Variants in ATRNL1 observed in about 807,000 individuals in gnomAD.
ATRNL1 encodes attractin like 1.
A neutral mutation model predicts 182.7 loss-of-function variants in ATRNL1; 95 were observed. That is an observed-to-expected ratio of 0.52 (90% CI 0.44 to 0.62). The LOEUF (loss-of-function observed/expected upper bound fraction) is 0.62, where lower values mean the gene tolerates loss of function less well. ATRNL1 is among the 20% of genes least tolerant of loss of function. ATRNL1 has a pLI of 0.00. For missense variants in ATRNL1, 1,471 were observed against 1,679.5 expected, an observed-to-expected ratio of 0.88 and a Z score of 2.17; for synonymous variants, 576 against 568.3, an observed-to-expected ratio of 1.01 and a Z score of -0.19.
chr10:115,734,889 C>T (rs1363246261), intron 27 of ATRNL1, among the ~76,000 whole-genome samples: 2 of 152,168 alleles, frequency 1.3e-5, no homozygotes, highest in South Asian at 4.1e-4. Flanking sequence ...TTACTCTTAA[C>T]ATTTTAACAG....
intron 26 of ATRNL1, among the ~76,000 whole-genome samples, chr10:115,652,888 T>C (rs1860102334): frequency 6.6e-6 from 1 of 152,148 alleles, no homozygotes; most frequent in South Asian, 2.1e-4. Context: ...ATAATGCATG[T>C]AGATTTTCCT....
chr10:115,107,596 G>A (rs1006774161), intron 1 of ATRNL1, among the ~76,000 whole-genome samples: 7 of 152,130 alleles, frequency 4.6e-5, no homozygotes, highest in African/African-American at 1.7e-4. Context: ...TAGTTCTGAG[G>A]TCTCAGAGGC....
chr10:115,918,354 T>C (rs530004495), intron 28 of ATRNL1, among the ~76,000 whole-genome samples: 1 of 152,100 alleles, frequency 6.6e-6, no homozygotes, highest in South Asian at 2.1e-4. Flanking sequence ...CCGCCCACCT[T>C]GGCCTCGCAA....
chr10:115,437,687 T>C (rs1846467590), intron 21 of ATRNL1, among the ~76,000 whole-genome samples: 1 of 152,066 alleles, frequency 6.6e-6, no homozygotes, highest in Admixed American at 6.6e-5. Flanking sequence ...TATAAGATCA[T>C]AAACATATGT....
chr10:115,728,128 G>GA (rs3087144), intron 27 of ATRNL1, among the ~76,000 whole-genome samples: 41,439 of 112,492 alleles, frequency 0.37, 7,780 homozygotes, highest in East Asian at 0.5. Context: ...AAAAAAAAAA[G>GA]AAAAAAAAAA....
chr10:115,261,405 G>A (rs967698211), intron 10 of ATRNL1, among the ~76,000 whole-genome samples: 53 of 152,066 alleles, frequency 3.5e-4, no homozygotes, highest in Non-Finnish European at 6.2e-4. Context: ...TATATAACAG[G>A]GGAGAAATAT....
chr10:115,191,373 C>CATT (rs1848163377), intron 8 of ATRNL1, among the ~76,000 whole-genome samples: 1 of 151,874 alleles, frequency 6.6e-6, no homozygotes, highest in Non-Finnish European at 1.5e-5. Context: ...TCCTCATCAG[C>CATT]ATTATTGCCT....
intron 1 of ATRNL1, among the ~76,000 whole-genome samples, chr10:115,109,159 CT>C (rs71010007): frequency 0.21 from 31,827 of 151,440 alleles, 4,281 homozygotes; most frequent in Non-Finnish European, 0.3. Flanking sequence ...TTTTTCTAGC[CT>C]TTTTTTTTCC....
chr10:115,904,807 T>A (rs536277904), intron 28 of ATRNL1, among the ~76,000 whole-genome samples: 118 of 152,288 alleles, frequency 7.7e-4, no homozygotes, highest in African/African-American at 2.6e-3. Context: ...CAAATTAAAG[T>A]CCAAAGAACA....
intron 19 of ATRNL1, among the ~76,000 whole-genome samples, chr10:115,365,799 A>AGG (rs1857005181): frequency 6.6e-6 from 1 of 152,124 alleles, no homozygotes. Flanking sequence ...ATTCAGGAGC[A>AGG]GGTTGTTCAG....
At chr10:115,688,907 C>T (rs1946303668) in intron 26 of ATRNL1, among the ~76,000 whole-genome samples, 1 of 151,950 alleles carries the variant, frequency 6.6e-6, no homozygotes, top group South Asian at 2.1e-4. Context: ...CTCTATGTTT[C>T]TTCTAGTAGT....
intron 26 of ATRNL1, among the ~76,000 whole-genome samples, chr10:115,609,239 T>C (rs1555018320): frequency 6.6e-6 from 1 of 152,146 alleles, no homozygotes; most frequent in African/African-American, 2.4e-5. Flanking sequence ...TCACTGTTTC[T>C]TTAGTTCTCC....
At chr10:115,913,256 A>T (rs1012728759) in intron 28 of ATRNL1, among the ~76,000 whole-genome samples, 1 of 152,146 alleles carries the variant, frequency 6.6e-6, no homozygotes, top group African/African-American at 2.4e-5. Flanking sequence ...CCAATTGCCT[A>T]ATTATTCAGA....
chr10:115,382,922 G>A (rs1246526167), intron 19 of ATRNL1, among the ~76,000 whole-genome samples: 1 of 151,832 alleles, frequency 6.6e-6, no homozygotes, highest in African/African-American at 2.4e-5. Flanking sequence ...GTCCATAAAT[G>A]TAATGGTTTG....
chr10:115,682,516 G>C (rs1161498069), intron 26 of ATRNL1, among the ~76,000 whole-genome samples: 1 of 152,004 alleles, frequency 6.6e-6, no homozygotes, highest in African/African-American at 2.4e-5. Context: ...ACTCCACCTT[G>C]GGCAACAGAG....
At chr10:115,603,906 A>T (rs1555016768) in intron 26 of ATRNL1, among the ~76,000 whole-genome samples, 1 of 152,074 alleles carries the variant, frequency 6.6e-6, no homozygotes, top group East Asian at 1.9e-4. Context: ...TTTCAAAGAT[A>T]TTTTTACTGA....
chr10:115,532,249 T>G (rs778768549), intron 25 of ATRNL1, among the ~76,000 whole-genome samples: 2 of 152,240 alleles, frequency 1.3e-5, no homozygotes, highest in Non-Finnish European at 2.9e-5. Flanking sequence ...TATTGATTCT[T>G]CCTACCCATG....
intron 28 of ATRNL1, among the ~76,000 whole-genome samples, chr10:115,881,016 G>A (rs1428479581): frequency 6.6e-6 from 1 of 152,200 alleles, no homozygotes; most frequent in African/African-American, 2.4e-5. Flanking sequence ...ATGACTCAGA[G>A]GCAGGTGGTA....
intron 5 of ATRNL1, among the ~76,000 whole-genome samples, chr10:115,159,328 T>G (rs1258479277): frequency 6.6e-6 from 1 of 151,542 alleles, no homozygotes; most frequent in Non-Finnish European, 1.5e-5. Flanking sequence ...TCTATTATGT[T>G]TGAGAAACAC....
Sources: gnomAD v4.1 joint callset for allele counts (sites outside exome capture counted in the v4.1 genomes callset) on GRCh38, gnomAD v4.1.1 for gene constraint, MANE v1.5 for transcripts, NCBI Gene and HGNC (gene_info 2026-07-23, HGNC 2026-07-21) for gene names.